Variants in ATRX observed in about 807,000 individuals in gnomAD.
ATRX encodes the protein chromatin remodeler ATRX.
ATRX carries 12 observed loss-of-function variants against 172.6 expected under a neutral mutation model. The ratio of observed to expected loss-of-function variants is 0.07; its 90% CI spans 0.04 to 0.11. ATRX has a LOEUF of 0.11. Ranked by LOEUF, ATRX falls within the 10% of genes least tolerant of loss-of-function variation. ATRX has a pLI of 1.00. For missense variants in ATRX, 1,368 were observed against 1,767.4 expected (o/e 0.77, Z 4.05); for synonymous variants, 674 against 594.7 (o/e 1.13, Z -1.94).
chrX:77,743,030 T>G (rs2074939462), intron 1 of ATRX, among the ~76,000 whole-genome samples: 2 of 110,708 alleles, frequency 1.8e-5, no homozygotes, highest in South Asian at 7.6e-4. Context: ...AGAGTGTGAG[T>G]AGGGGCGGGG....
At chrX:77,651,217 C>CAAAAAAAAAAAAAAAAA (rs1170232589) in intron 15 of ATRX, among the ~76,000 whole-genome samples, 4 of 16,478 alleles carry the variant, frequency 2.4e-4, no homozygotes, top group African/African-American at 1.0e-3. Flanking sequence ...AACTCCATCT[C>CAAAAAAAAAAAAAAAAA]AAAAAAAAAA....
chrX:77,585,583 C>CAAAAAAAAAAAAAA lies in ATRX; in HGVS notation c.6217+4237_6217+4250dup, dbSNP rs781792876. ...AGAGCAAGACCTTGTCTCCCCCCAC[C>CAAAAAAAAAAAAAA]AAAAAAAAAAAAAAAAAAAAAAAAA... is the stretch of plus-strand genomic sequence containing the variant. On this transcript the variant is annotated intron_variant, in intron 27 of 34. Coordinates refer to ENST00000373344, the MANE Select transcript of ATRX (RefSeq NM_000489.6). Among the ~76,000 whole-genome samples the CAAAAAAAAAAAAAA allele has an allele frequency of 2.8e-3, 24 of 8,553 alleles. 9 individuals are homozygous for CAAAAAAAAAAAAAA. The highest frequency in any genetic ancestry group is 0.012 in the Admixed American group (5 of 422). The allele number at this position is 8,553 out of a possible 115,157, so 7.4% of individuals were successfully genotyped here.
Position 77,682,578 on chromosome X carries a change from C to T in ATRX, c.2678G>A (p.Gly893Asp), listed in dbSNP as rs781801472. Residue 893 changes from glycine to aspartate, a missense_variant, in exon 9 of 35, where the codon GGC becomes GAC. Coordinates refer to ENST00000373344, the MANE Select transcript of ATRX (RefSeq NM_000489.6). ...QERETFSSAE[G>D]TVDKDTTIME... ...GATGGTCGTGTCTTTATCAACTGTG[C>T]CTTCTGCTGAAGAGAAAGTCTCTCT... 8.3e-7 allele frequency: 1 copy of T among 1,210,530 alleles called. No individual in the cohort carries two copies. The highest frequency in any genetic ancestry group is 1.1e-6 in the Non-Finnish European group (1 of 894,996).
At chrX:77,548,623 A>C (rs2064337977) in intron 30 of ATRX, among the ~76,000 whole-genome samples, 1 of 112,348 alleles carries the variant, frequency 8.9e-6, no homozygotes, top group Non-Finnish European at 1.9e-5. Flanking sequence ...GGTTACCAGA[A>C]AGTTCCTGAA....
rs982778923 is a variant in ATRX, at chrX:77,786,207, T to C, written c.-206A>G. ...CGACACCGCTGCCGCCGCCATTTTG[T>C]TGGGCCGAGGCTCAGGCAGGAGAAT... On this transcript the variant is annotated 5_prime_UTR_variant, in exon 1 of 35. Transcript: ENST00000373344. The C allele has an allele frequency of 2.3e-6, 1 of 436,676 alleles. No homozygotes were observed. Among genetic ancestry groups the C allele is most frequent in the Non-Finnish European group, 3.9e-6 (1 of 256,387 alleles). 36.0% of individuals were successfully genotyped at this position (436,676 alleles called of 1,213,427 possible).
chrX:77,579,276 C>T (rs1385884610), intron 27 of ATRX, among the ~76,000 whole-genome samples: 3 of 112,358 alleles, frequency 2.7e-5, no homozygotes, highest in African/African-American at 6.5e-5. Flanking sequence ...GAATGTACAG[C>T]CCTTGGGCCT....
At chrX:77,509,259 C>T (rs1195487471) in intron 34 of ATRX, among the ~76,000 whole-genome samples, 1 of 111,643 alleles carries the variant, frequency 9.0e-6, no homozygotes, top group Non-Finnish European at 1.9e-5. Flanking sequence ...TAGTAGGAAC[C>T]TTTGATATGT....
chrX:77,656,798 A>C (rs1299543567), intron 12 of ATRX, 145 bp from the exon 13 acceptor site: 7 of 421,630 alleles, frequency 1.7e-5, no homozygotes, highest in African/African-American at 2.5e-5. Context: ...ATAATATAGA[A>C]TATACCAGTT....
At position 77,774,405 on chromosome X, in the gene ATRX, C is replaced by T. The variant is rs2076275103; in HGVS notation, c.20+11577G>A. ...AAAATGGTATTGTATCGGCCGGGTGCAGTGGCTCACGCCTGTAATCCCAGC... is the reference window on the plus strand; with the variant it reads ...AAAATGGTATTGTATCGGCCGGGTGTAGTGGCTCACGCCTGTAATCCCAGC... On this transcript the variant is annotated intron_variant, in intron 1 of 34. Coordinates refer to ENST00000373344, the MANE Select transcript of ATRX (RefSeq NM_000489.6). Among the ~76,000 whole-genome samples, 3 of 111,533 alleles carry T rather than the reference C, an allele frequency of 2.7e-5. No homozygotes were observed. The South Asian group carries it at 1.1e-3, about 41-fold the overall frequency.
At chrX:77,652,038 A>C in intron 15 of ATRX, 76 bp downstream of exon 15, 1 of 1,106,203 alleles carries the variant, frequency 9.0e-7, no homozygotes, top group Non-Finnish European at 1.2e-6. Context: ...TGAGCCCAAG[A>C]GTTCGAGGCC....
intron 22 of ATRX, chrX:77,616,293 TA>T (rs1164373258): frequency 1.3e-5 from 12 of 901,408 alleles, no homozygotes; most frequent in South Asian, 5.8e-5. Flanking sequence ...AAATACTTTT[TA>T]AAAAAATACT....
Position 77,648,623 on chromosome X carries a change from CG to C in ATRX, c.4557+3490del, listed in dbSNP as rs1469524217. Among the ~76,000 whole-genome samples the C allele has an allele frequency of 2.3e-4, 14 of 60,917 alleles. No homozygotes were observed. In the South Asian group the frequency reaches 9.2e-3, roughly 40 times the overall value. 52.9% of individuals were successfully genotyped at this position (60,917 alleles called of 115,157 possible). The stretch of plus-strand genomic sequence containing the variant: ...AAAAAATTAATGAAATCCAAAGCTG[CG>C]TTTTTTTTTTTTTTTGAGATAGTAA... On this transcript the variant is annotated intron_variant, in intron 15 of 34. Transcript: ENST00000373344.
intron 1 of ATRX, among the ~76,000 whole-genome samples, chrX:77,724,325 G>GA (rs782629847): frequency 4.4e-4 from 43 of 97,293 alleles, no homozygotes; most frequent in African/African-American, 1.4e-3. Context: ...TCCAACAGTG[G>GA]AAAAAAAAGA....
At chrX:77,545,245 G>A (rs2064191703) in intron 30 of ATRX, among the ~76,000 whole-genome samples, 1 of 111,812 alleles carries the variant, frequency 8.9e-6, no homozygotes, top group Admixed American at 9.6e-5. Flanking sequence ...TATTATGGAC[G>A]AAACTACTCC....
At chrX:77,782,101 C>T (rs1206904297) in intron 1 of ATRX, among the ~76,000 whole-genome samples, 2 of 111,945 alleles carry the variant, frequency 1.8e-5, no homozygotes, top group Non-Finnish European at 3.8e-5. Flanking sequence ...TCTTTTCACC[C>T]CAACCCATTA....
intron 22 of ATRX, among the ~76,000 whole-genome samples, chrX:77,608,782 T>C (rs2067029474): frequency 9.1e-6 from 1 of 110,385 alleles, no homozygotes; most frequent in Non-Finnish European, 1.9e-5. Context: ...AAGAATACAA[T>C]CCAACAAAGT....
intron 11 of ATRX, 57 bp from the exon 12 acceptor site, chrX:77,663,615 A>G (rs1346917486): frequency 1.9e-6 from 2 of 1,056,586 alleles, no homozygotes; most frequent in Non-Finnish European, 2.6e-6. Context: ...TGCCTCGTAT[A>G]TCTATTTTGC....
chrX:77,559,373 G>GAA (rs45489892), intron 28 of ATRX, among the ~76,000 whole-genome samples: 61 of 56,796 alleles, frequency 1.1e-3, no homozygotes, highest in African/African-American at 3.4e-3. Flanking sequence ...GGTGTCTAAA[G>GAA]AAAAAAAAAA....
chrX:77,681,376 T>C, intron 9 of ATRX, 144 bp downstream of exon 9: 1 of 570,877 alleles, frequency 1.8e-6, no homozygotes, highest in Non-Finnish European at 2.7e-6. Flanking sequence ...GGGAAACTTT[T>C]TTTAATAAAC....
Sources: gnomAD v4.1 joint callset for allele counts (sites outside exome capture counted in the v4.1 genomes callset) on GRCh38, gnomAD v4.1.1 for gene constraint, MANE v1.5 for transcripts, NCBI Gene and HGNC (gene_info 2026-07-23, HGNC 2026-07-21) for gene names.